BBS7: variants seen among roughly 807,000 people sequenced by gnomAD.
BBS7 encodes BBSome complex member BBS7.
A neutral mutation model predicts 90.3 loss-of-function variants in BBS7; 50 were observed. The ratio of observed to expected loss-of-function variants is 0.55; its 90% CI spans 0.44 to 0.70. The LOEUF is 0.70. BBS7 is among the 30% of genes least tolerant of loss of function. The pLI is 0.00. For synonymous variants in BBS7, 235 were observed against 287.4 expected (o/e 0.82, Z 1.85); for missense variants, 729 against 838.9 (o/e 0.87, Z 1.62).
chr4:121,863,480 A>G (rs959111582), intron 2 of BBS7, among the ~76,000 whole-genome samples: 1 of 152,180 alleles, frequency 6.6e-6, no homozygotes, highest in Non-Finnish European at 1.5e-5. Flanking sequence ...TTAGAAAAGT[A>G]ATTGGCCATA....
chr4:121,861,924 A>G (rs1727005205), intron 3 of BBS7, among the ~76,000 whole-genome samples: 1 of 152,184 alleles, frequency 6.6e-6, no homozygotes, highest in Non-Finnish European at 1.5e-5. Context: ...CTTGTAATTC[A>G]AAGTACAGTT....
intron 3 of BBS7, among the ~76,000 whole-genome samples, chr4:121,862,018 C>T (rs1187795141): frequency 6.6e-6 from 1 of 152,122 alleles, no homozygotes; most frequent in Non-Finnish European, 1.5e-5. Context: ...TAACAAGATT[C>T]CCCAGCTGGT....
rs369866009 is a variant in BBS7 at position 121,854,739 on chromosome 4, C to T, written c.683G>A (p.Arg228His). 64 of 1,612,050 alleles carry T rather than the reference C, an allele frequency of 4.0e-5. No individual in the cohort carries two copies. Among genetic ancestry groups the T allele is most frequent in the Non-Finnish European group, 5.0e-5 (59 of 1,178,862 alleles). ...TTTCTCATTTTGAATTTCCCACTTG[C>T]GTACTGGTTTGGATGTAGTAATCTG... ...LIQITTSKPV[R>H]KWEIQNEKKR... is the part of the protein sequence containing the mutation. Residue 228 changes from arginine to histidine, a missense_variant, in exon 7 of 19, where the codon CGC becomes CAC. Coordinates refer to ENST00000264499, the MANE Select transcript of BBS7 (RefSeq NM_176824.3).
intron 15 of BBS7, among the ~76,000 whole-genome samples, chr4:121,830,497 T>C (rs1056225908): frequency 3.3e-5 from 5 of 152,236 alleles, no homozygotes; most frequent in Admixed American, 6.5e-5. Flanking sequence ...ATCATGACAT[T>C]TCTATTAGTC....
intron 12 of BBS7, among the ~76,000 whole-genome samples, chr4:121,840,834 T>A (rs1000624926): frequency 1.3e-5 from 2 of 151,230 alleles, no homozygotes; most frequent in Non-Finnish European, 2.9e-5. Flanking sequence ...TAAAAGTAAA[T>A]ATATTCTTTT....
At chr4:121,838,766 G>A (rs1287242147) in intron 13 of BBS7, among the ~76,000 whole-genome samples, 1 of 151,710 alleles carries the variant, frequency 6.6e-6, no homozygotes, top group Non-Finnish European at 1.5e-5. Context: ...GTGGTGGTGG[G>A]CACCTGTAAT....
chr4:121,861,709 A>G, intron 3 of BBS7, 30 bp from the exon 4 acceptor site: 3 of 1,611,552 alleles, frequency 1.9e-6, no homozygotes, highest in Non-Finnish European at 2.5e-6. Flanking sequence ...AAAAAAGTAC[A>G]CAAATTACTT....
At chr4:121,835,337 T>A in intron 13 of BBS7, 54 bp from the exon 14 acceptor site, 7 of 1,591,872 alleles carry the variant, frequency 4.4e-6, no homozygotes, top group Non-Finnish European at 6.0e-6. Flanking sequence ...ACAAAACATA[T>A]CTTTAGAATG....
chr4:121,845,611 C>T lies in BBS7; in HGVS notation c.1123G>A (p.Ala375Thr), dbSNP rs896927309. 1 of 1,612,808 alleles carries T rather than the reference C, an allele frequency of 6.2e-7. No individual in the cohort carries two copies. The highest frequency in any genetic ancestry group is 8.5e-7 in the Non-Finnish European group (1 of 1,179,106). ...QSSQSSKAKS[A>T]VPSFGINDKF... ...TCATTTATACCAAAGGAAGGTACTG[C>T]TGATTTTGCTTTGCTTGATTGAGAA... The change falls in exon 11 of 19, where the codon GCA becomes ACA. Residue 375 changes from alanine (A) to threonine (T), a missense_variant. Transcript: ENST00000264499.
chr4:121,852,286 GT>G (rs1207020005), intron 8 of BBS7, among the ~76,000 whole-genome samples: 1 of 152,108 alleles, frequency 6.6e-6, no homozygotes, highest in East Asian at 1.9e-4. Flanking sequence ...ACACTGAGTT[GT>G]GAACTCTTTT....
At chr4:121,836,415 C>T (rs1725452359) in intron 13 of BBS7, among the ~76,000 whole-genome samples, 1 of 152,122 alleles carries the variant, frequency 6.6e-6, no homozygotes, top group Admixed American at 6.5e-5. Flanking sequence ...TCTTTTCATA[C>T]ATTTCTTCAT....
chr4:121,838,364 G>GAA lies in BBS7; in HGVS notation c.1371+1265_1371+1266dup, dbSNP rs35961896. On this transcript the variant is annotated intron_variant, in intron 13 of 18. Transcript: ENST00000264499. ...AATATTGTGTAACAGCATCTCTCTTGAAAAAAAAAAAAAAAACCTTTGAGT... is the reference window on the plus strand; with the variant it reads ...AATATTGTGTAACAGCATCTCTCTTGAAAAAAAAAAAAAAAAAACCTTTGAGT... Among the ~76,000 whole-genome samples the GAA allele has an allele frequency of 3.6e-3, 397 of 109,884 alleles. 5 individuals are homozygous for GAA. The highest frequency in any genetic ancestry group is 0.01 in the African/African-American group (274 of 26,398). 72.1% of individuals were successfully genotyped at this position (109,884 alleles called of 152,430 possible). A position where few individuals can be genotyped will look rare whatever the true frequency, so the allele number is the denominator to read the frequency against.
chr4:121,866,046 C>T (rs775880853), intron 2 of BBS7, among the ~76,000 whole-genome samples: 1 of 151,940 alleles, frequency 6.6e-6, no homozygotes, highest in Non-Finnish European at 1.5e-5. Flanking sequence ...AGATCATTTG[C>T]CCACTTTTTA....
chr4:121,826,711 C>T (rs1560636650), intron 18 of BBS7, among the ~76,000 whole-genome samples: 1 of 152,106 alleles, frequency 6.6e-6, no homozygotes, highest in Non-Finnish European at 1.5e-5. Flanking sequence ...GGGCTGGGCA[C>T]GGTGGCTCAT....
At position 121,825,190 on chromosome 4, in the gene BBS7, GT is replaced by G. The variant is rs1724851264; in HGVS notation, c.*669del. 1.3e-5 allele frequency: 2 copies of G among 152,228 alleles called. No individual in the cohort carries two copies. Among genetic ancestry groups the G allele is most frequent in the African/African-American group, 4.8e-5 (2 of 41,434 alleles). 9.4% of individuals were successfully genotyped at this position (152,228 alleles called of 1,614,324 possible). ...GCTACAATTTATAGCACTGAGCCAA[GT>G]CCAGCATTTCCACAAACTGCAGCAG... On this transcript the variant is annotated 3_prime_UTR_variant, in exon 19 of 19. Coordinates refer to ENST00000264499, the MANE Select transcript of BBS7 (RefSeq NM_176824.3).
chr4:121,835,336 A>G (rs1044954023), intron 13 of BBS7, 53 bp from the exon 14 acceptor site: 2 of 1,591,596 alleles, frequency 1.3e-6, no homozygotes, highest in African/African-American at 1.3e-5. Context: ...AACAAAACAT[A>G]TCTTTAGAAT....
intron 9 of BBS7, among the ~76,000 whole-genome samples, chr4:121,848,174 A>G (rs531785146): frequency 6.6e-6 from 1 of 152,280 alleles, no homozygotes; most frequent in East Asian, 1.9e-4. Flanking sequence ...TGCTGTAAGT[A>G]AGAGTGATTG....
chr4:121,864,280 C>T (rs1022439024), intron 2 of BBS7, among the ~76,000 whole-genome samples: 1 of 152,176 alleles, frequency 6.6e-6, no homozygotes, highest in Admixed American at 6.5e-5. Flanking sequence ...GAGTCACAAT[C>T]ATCTGAAAAA....
At chr4:121,845,763 CA>C in intron 10 of BBS7, 67 bp from the exon 11 acceptor site, 2 of 1,432,242 alleles carry the variant, frequency 1.4e-6, no homozygotes, top group Admixed American at 3.5e-5. Flanking sequence ...AGGATGTTTA[CA>C]AAAATTTGAG....
Sources: gnomAD v4.1 joint callset for allele counts (sites outside exome capture counted in the v4.1 genomes callset) on GRCh38, gnomAD v4.1.1 for gene constraint, MANE v1.5 for transcripts, NCBI Gene and HGNC (gene_info 2026-07-23, HGNC 2026-07-21) for gene names.